Variants in FSTL4 observed in about 807,000 individuals in gnomAD.
FSTL4 encodes follistatin like 4, also known as follistatin-related protein 4.
Under a neutral mutation model 78.2 loss-of-function variants are expected in FSTL4, and 28 were observed. The ratio of observed to expected loss-of-function variants is 0.36; its 90% CI spans 0.27 to 0.49. The LOEUF (loss-of-function observed/expected upper bound fraction) is 0.49. FSTL4 is among the 20% of genes least tolerant of loss of function. The probability of loss-of-function intolerance (pLI) is 0.98; values close to 1 mark genes in which losing one functional copy is unlikely to be tolerated. For synonymous variants in FSTL4, 422 were observed against 440.5 expected, an observed-to-expected ratio of 0.96 and a Z score of 0.53; for missense variants, 922 against 1,084.9, an observed-to-expected ratio of 0.85 and a Z score of 2.11.
At chr5:133,468,673 C>T (rs1735282806) in intron 3 of FSTL4, among the ~76,000 whole-genome samples, 1 of 152,188 alleles carries the variant, frequency 6.6e-6, no homozygotes, top group South Asian at 2.1e-4. Flanking sequence ...AGCCTAAGGT[C>T]CAGGTCCCAG....
In FSTL4 at chr5:133,446,205, C is replaced by T. The variant is rs541480151; in HGVS notation, c.161-45219G>A. 2.0e-5 allele frequency among the ~76,000 whole-genome samples: 3 copies of T among 152,236 alleles called. No individual in the cohort carries two copies. The East Asian group carries it at 5.8e-4, about 29-fold the overall frequency. The stretch of plus-strand genomic sequence containing the variant: ...CTGTAATCCTAGCACTTTGGGAGGC[C>T]GAGGCAGGCAGATCACTTGAGGTCA... On this transcript the variant is annotated intron_variant, in intron 3 of 15. Coordinates refer to ENST00000265342, the MANE Select transcript of FSTL4 (RefSeq NM_015082.2).
At chr5:133,715,569 G>A in the FSTL4 span, among the ~76,000 whole-genome samples, 5 of 152,172 alleles carry the variant, frequency 3.3e-5, no homozygotes, top group African/African-American at 1.2e-4. Flanking sequence ...CATAGACTTA[G>A]GGGAAAGAGG....
chr5:133,573,558 G>C (rs575732330), intron 2 of FSTL4, among the ~76,000 whole-genome samples: 1 of 152,268 alleles, frequency 6.6e-6, no homozygotes, highest in South Asian at 2.1e-4. Context: ...TAGTAGCATA[G>C]TCTAAATATA....
At chr5:133,410,646 C>T (rs1221579123) in intron 3 of FSTL4, among the ~76,000 whole-genome samples, 1 of 152,204 alleles carries the variant, frequency 6.6e-6, no homozygotes, top group East Asian at 1.9e-4. Flanking sequence ...CCCCGGTCCG[C>T]ACCTTGCCTT....
At chr5:133,765,793 G>C in the FSTL4 span, among the ~76,000 whole-genome samples, 3 of 152,304 alleles carry the variant, frequency 2.0e-5, no homozygotes, top group East Asian at 5.8e-4. Flanking sequence ...CAAAGGAAAA[G>C]CAGAGATAAG....
At chr5:133,401,723 C>T (rs1756228928) in intron 3 of FSTL4, among the ~76,000 whole-genome samples, 1 of 152,112 alleles carries the variant, frequency 6.6e-6, no homozygotes, top group South Asian at 2.1e-4. Flanking sequence ...GGGTGATGTG[C>T]CAGTGGGCCC....
chr5:133,438,691 C>T (rs1003235232), intron 3 of FSTL4, among the ~76,000 whole-genome samples: 4 of 152,128 alleles, frequency 2.6e-5, no homozygotes, highest in African/African-American at 7.2e-5. Context: ...ATTCATCATC[C>T]GGATTGCCCT....
chr5:133,288,767 G>A (rs747217714), intron 6 of FSTL4, among the ~76,000 whole-genome samples: 23 of 152,334 alleles, frequency 1.5e-4, no homozygotes, highest in South Asian at 2.1e-4. Flanking sequence ...TGACCTATCC[G>A]AGTGGCAGCC....
At chr5:133,720,313 A>C in the FSTL4 span, among the ~76,000 whole-genome samples, 1 of 152,236 alleles carries the variant, frequency 6.6e-6, no homozygotes, top group East Asian at 1.9e-4. Context: ...CTATCAATAC[A>C]TGTAAATAAC....
At chr5:133,661,140 G>A in the FSTL4 span, among the ~76,000 whole-genome samples, 500 of 152,252 alleles carry the variant, frequency 3.3e-3, 3 homozygotes, top group African/African-American at 0.011. Context: ...ACAGATGCGC[G>A]CCATCATGCC....
chr5:133,250,193 C>T (rs1375062890), intron 6 of FSTL4, among the ~76,000 whole-genome samples: 1 of 152,198 alleles, frequency 6.6e-6, no homozygotes, highest in African/African-American at 2.4e-5. Context: ...ACTATTAATC[C>T]TTGCCATTTT....
At chr5:133,608,863 T>C (rs1761028997) in intron 1 of FSTL4, among the ~76,000 whole-genome samples, 1 of 152,168 alleles carries the variant, frequency 6.6e-6, no homozygotes, top group Admixed American at 6.5e-5. Context: ...AATACCAAAA[T>C]CTGCCCCACC....
chr5:133,467,288 G>GTA (rs1757736898), intron 3 of FSTL4, among the ~76,000 whole-genome samples: 2 of 151,964 alleles, frequency 1.3e-5, no homozygotes, highest in African/African-American at 4.8e-5. Context: ...GTGTGAGTGT[G>GTA]TATGTGTACA....
chr5:133,623,608 AAC>A, the FSTL4 span, among the ~76,000 whole-genome samples: 1 of 152,118 alleles, frequency 6.6e-6, no homozygotes, highest in Non-Finnish European at 1.5e-5. Flanking sequence ...CCTTAGATAT[AAC>A]ACAAAAAGCA....
At chr5:133,790,493 G>A in the FSTL4 span, among the ~76,000 whole-genome samples, 1 of 152,096 alleles carries the variant, frequency 6.6e-6, no homozygotes, top group Non-Finnish European at 1.5e-5. Context: ...CAACCCACTG[G>A]TGATCACAGC....
intron 3 of FSTL4, among the ~76,000 whole-genome samples, chr5:133,558,415 T>C (rs1269373421): frequency 1.3e-5 from 2 of 152,138 alleles, no homozygotes; most frequent in Admixed American, 1.3e-4. Context: ...TTGCAGTACA[T>C]GGGAGAACCA....
At chr5:133,350,327 CCTTCTGGGGACCAGCACTGCT>C (rs72200095) in intron 4 of FSTL4, among the ~76,000 whole-genome samples, 22,936 of 152,218 alleles carry the variant, frequency 0.15, 1,970 homozygotes, top group East Asian at 0.36. Context: ...GAGACAAACC[CCTTCTGGGGACCAGCACTGCT>C]GTGCCCGCTG....
intron 1 of FSTL4, among the ~76,000 whole-genome samples, 190 bp from the exon 2 acceptor site, chr5:133,604,183 A>G (rs1273916422): frequency 1.3e-5 from 2 of 152,196 alleles, no homozygotes; most frequent in African/African-American, 4.8e-5. Flanking sequence ...AATGGCAATA[A>G]TATGTACCTC....
intron 12 of FSTL4, among the ~76,000 whole-genome samples, chr5:133,218,393 C>T (rs1385062051): frequency 6.6e-6 from 1 of 152,198 alleles, no homozygotes; most frequent in Non-Finnish European, 1.5e-5. Context: ...CCACCCTAGC[C>T]TCCCAACCTG....
Sources: gnomAD v4.1 joint callset for allele counts (sites outside exome capture counted in the v4.1 genomes callset) on GRCh38, gnomAD v4.1.1 for gene constraint, MANE v1.5 for transcripts, NCBI Gene and HGNC (gene_info 2026-07-23, HGNC 2026-07-21) for gene names.